Variants in SERINC5 observed in about 807,000 individuals in gnomAD.
The protein encoded by SERINC5 is chromosome 5 open reading frame 12.
In SERINC5, 41 loss-of-function variants were observed where a neutral mutation model predicts 63.1. That is an observed-to-expected ratio of 0.65 (90% CI 0.51 to 0.84). The LOEUF is 0.84. Ranked by LOEUF, SERINC5 falls within the 40% of genes least tolerant of loss-of-function variation. The pLI is 0.00. For missense variants in SERINC5, 523 were observed against 573.0 expected (o/e 0.91, Z 0.89); for synonymous variants, 222 against 215.2 (o/e 1.03, Z -0.28).
chr5:80,234,416 A>T (rs1270769886), intron 1 of SERINC5, among the ~76,000 whole-genome samples: 1 of 152,190 alleles, frequency 6.6e-6, no homozygotes, highest in Non-Finnish European at 1.5e-5. Flanking sequence ...CCACATATTC[A>T]TACCAGTTGT....
chr5:80,128,938 ATGTC>A (rs1744840678), intron 11 of SERINC5: 1 of 152,116 alleles, frequency 6.6e-6, no homozygotes, highest in South Asian at 2.1e-4. Context: ...CTTTCTTTCT[ATGTC>A]TGTGATGCTT....
At chr5:80,128,106 A>ACTAT (rs1345532479) in intron 11 of SERINC5, among the ~76,000 whole-genome samples, 2 of 152,232 alleles carry the variant, frequency 1.3e-5, no homozygotes, top group Admixed American at 1.3e-4. Context: ...TACACAAAAT[A>ACTAT]CTATAATGGT....
chr5:80,133,331 A>G (rs897029951), intron 11 of SERINC5, among the ~76,000 whole-genome samples: 1 of 152,194 alleles, frequency 6.6e-6, no homozygotes, highest in Non-Finnish European at 1.5e-5. Flanking sequence ...AACAGGGAGG[A>G]AAAACTTGCT....
chr5:80,233,438 T>TTTAGTTAAAATAATTTAGTTAA, intron 1 of SERINC5, among the ~76,000 whole-genome samples: 1 of 152,164 alleles, frequency 6.6e-6, no homozygotes, highest in African/African-American at 2.4e-5. Context: ...AAAAAAACAA[T>TTTAGTTAAAATAATTTAGTTAA]AATAATTTCT....
intron 7 of SERINC5, among the ~76,000 whole-genome samples, chr5:80,165,361 A>C (rs1747222801): frequency 6.6e-6 from 1 of 152,224 alleles, no homozygotes; most frequent in African/African-American, 2.4e-5. Context: ...TTAAAAGAGG[A>C]AACAACTTCA....
At chr5:80,119,533 CTGT>C (rs1744460073) in intron 11 of SERINC5, among the ~76,000 whole-genome samples, 1 of 152,240 alleles carries the variant, frequency 6.6e-6, no homozygotes, top group African/African-American at 2.4e-5. Context: ...ACTCACTGCA[CTGT>C]TGTTAACTAT....
intron 8 of SERINC5, 89 bp downstream of exon 8, chr5:80,158,747 C>T: frequency 1.5e-6 from 2 of 1,309,006 alleles, no homozygotes; most frequent in South Asian, 1.3e-5. Context: ...CAAATGGTTG[C>T]AGCCTCACAG....
intron 11 of SERINC5, among the ~76,000 whole-genome samples, chr5:80,145,692 G>T (rs1239461747): frequency 6.6e-6 from 1 of 152,072 alleles, no homozygotes; most frequent in Non-Finnish European, 1.5e-5. Context: ...GTTGCCATAA[G>T]CATCACCAGT....
rs1749671710 is a variant in SERINC5, at chr5:80,199,030, C to T, written c.195+3856G>A. ...GGCTCACCTCCCAAAATATCTCCCT[C>T]TGTTTCCATGATATAGCCTCCTGCT... On this transcript the variant is annotated intron_variant, in intron 2 of 11. Transcript: ENST00000507668. Among the ~76,000 whole-genome samples, 3 of 152,318 alleles carry T rather than the reference C, an allele frequency of 2.0e-5. No homozygotes were observed. In the South Asian group the frequency reaches 6.2e-4, roughly 32 times the overall value.
chr5:80,124,563 C>T (rs1028559448), intron 11 of SERINC5, among the ~76,000 whole-genome samples: 4 of 152,184 alleles, frequency 2.6e-5, no homozygotes, highest in African/African-American at 9.7e-5. Flanking sequence ...AGGAGTGTTT[C>T]ATGGAACCTC....
chr5:80,203,257 C>CACATATATATAT (rs1554067829), intron 1 of SERINC5: 1 of 255,246 alleles, frequency 3.9e-6, no homozygotes, highest in African/African-American at 2.3e-5. Context: ...TATATATACA[C>CACATATATATAT]ATATATATAT....
At chr5:80,241,135 T>G (rs1355251907) in intron 1 of SERINC5, among the ~76,000 whole-genome samples, 1 of 152,136 alleles carries the variant, frequency 6.6e-6, no homozygotes, top group Non-Finnish European at 1.5e-5. Context: ...TTCTCCCTTT[T>G]TCAAGGTGCT....
At position 80,139,140 on chromosome 5, in the gene SERINC5, G is replaced by A. The variant is rs1055992830; in HGVS notation, c.*4523C>T. ...TTTTCAAATTCTAATGTAGCAAAACGTAACCACATAATTTGGCTACAGCTA... is the reference window on the plus strand; with the variant it reads ...TTTTCAAATTCTAATGTAGCAAAACATAACCACATAATTTGGCTACAGCTA... On this transcript the variant is annotated 3_prime_UTR_variant, in exon 12 of 12. Transcript: ENST00000507668. 13 of 984,946 alleles carry A rather than the reference G, an allele frequency of 1.3e-5. No individual in the cohort carries two copies. The South Asian group carries it at 1.9e-4, about 14-fold the overall frequency. 61.0% of individuals were successfully genotyped at this position (984,946 alleles called of 1,614,324 possible). A position where few individuals can be genotyped will look rare whatever the true frequency, so the allele number is the denominator to read the frequency against.
intron 2 of SERINC5, chr5:80,198,632 G>A: frequency 1.0e-6 from 1 of 985,412 alleles, no homozygotes. Context: ...AACAAAGAGG[G>A]GGTAAGGACT....
intron 1 of SERINC5, among the ~76,000 whole-genome samples, chr5:80,243,078 G>A (rs1752018328): frequency 1.3e-5 from 2 of 152,206 alleles, no homozygotes; most frequent in Admixed American, 1.3e-4. Flanking sequence ...TCAGTCGTGG[G>A]CTTTTTGTGT....
At chr5:80,138,072 T>C (rs1328047967), downstream of SERINC5, among the ~76,000 whole-genome samples, 1 of 151,900 alleles carries the variant, frequency 6.6e-6, no homozygotes, top group East Asian at 1.9e-4. Context: ...AAAAGACAAA[T>C]GCTTCATGAT....
chr5:80,202,370 G>C (rs553955214), intron 2 of SERINC5, among the ~76,000 whole-genome samples: 1 of 152,280 alleles, frequency 6.6e-6, no homozygotes, highest in African/African-American at 2.4e-5. Context: ...ACAATCGTCT[G>C]ACATAAACAG....
At chr5:80,120,178 C>A (rs1023780918) in intron 11 of SERINC5, among the ~76,000 whole-genome samples, 2 of 152,214 alleles carry the variant, frequency 1.3e-5, no homozygotes, top group Non-Finnish European at 2.9e-5. Flanking sequence ...CAATCCATTT[C>A]TTCTTCTTGT....
At chr5:80,210,328 T>C (rs967637119) in intron 1 of SERINC5, among the ~76,000 whole-genome samples, 14 of 152,266 alleles carry the variant, frequency 9.2e-5, no homozygotes, top group African/African-American at 3.4e-4. Context: ...TACCTGAAGC[T>C]GGGCCTCCCA....
Sources: gnomAD v4.1 joint callset for allele counts (sites outside exome capture counted in the v4.1 genomes callset) on GRCh38, gnomAD v4.1.1 for gene constraint, MANE v1.5 for transcripts, NCBI Gene and HGNC (gene_info 2026-07-23, HGNC 2026-07-21) for gene names.